The following GSS variants were observed in gnomAD, a reference collection of about 807,000 sequenced individuals.
The protein encoded by GSS is glutathione synthetase.
Under a neutral mutation model 60.4 loss-of-function variants are expected in GSS, and 34 were observed. The observed-to-expected ratio is 0.56, with a 90% CI of 0.43 to 0.75. The LOEUF is 0.75. Ranked by LOEUF, GSS falls within the 30% of genes least tolerant of loss-of-function variation. GSS has a pLI of 0.00. For missense variants in GSS, 499 were observed against 595.1 expected (o/e 0.84, Z 1.68); for synonymous variants, 224 against 239.0 (o/e 0.94, Z 0.58).
Position 34,929,576 on chromosome 20 carries a change from C to T in GSS, c.1126G>A (p.Gly376Arg), listed in dbSNP as rs146267300. The T allele has an allele frequency of 8.6e-5, 138 of 1,613,832 alleles. No homozygotes were observed. The highest frequency in any genetic ancestry group is 1.6e-4 in the Middle Eastern group (1 of 6,080). Residue 376 changes from glycine (G) to arginine (R), a missense_variant, in exon 12 of 13, where the codon GGG becomes AGG. Coordinates refer to ENST00000651619, the MANE Select transcript of GSS (RefSeq NM_000178.4). ...QREGGGNNLY[G>R]EEMVQALKQL... ...TTCAGGGCCTGTACCATTTCCTCCC[C>T]ATATAGGTTGTTACCTGCAATGAAA...
intron 6 of GSS, among the ~76,000 whole-genome samples, chr20:34,939,795 A>G (rs1241598289): frequency 6.6e-6 from 1 of 151,816 alleles, no homozygotes; most frequent in East Asian, 1.9e-4. Flanking sequence ...CAGCATCCCA[A>G]GTAGCTGGGA....
At chr20:34,946,573 G>A (rs1405158007) in intron 2 of GSS, 2 of 153,928 alleles carry the variant, frequency 1.3e-5, no homozygotes, top group African/African-American at 4.8e-5. Context: ...GCTAGTAACG[G>A]GGTGCTGGGA....
chr20:34,951,630 G>T (rs1255690366), intron 2 of GSS, 94 bp downstream of exon 2: 6 of 1,375,608 alleles, frequency 4.4e-6, no homozygotes, highest in Non-Finnish European at 6.0e-6. Flanking sequence ...AGGCAAAAGA[G>T]ATATGGTCCC....
rs184506175 is a variant in GSS, at chr20:34,935,645, G to A, written c.768-3C>T. ...CCACAGCAATTTCCTGGCCATCCCT[G>A]GAACACAGGATGGAGAAGGCTGCTG... On this transcript the variant is annotated splice_polypyrimidine_tract_variant and splice_region_variant and intron_variant, in intron 8 of 12. Coordinates refer to ENST00000651619, the MANE Select transcript of GSS (RefSeq NM_000178.4). The A allele has an allele frequency of 2.4e-3, 3,896 of 1,604,654 alleles. 3 individuals are homozygous for A. The highest frequency in any genetic ancestry group is 3.0e-3 in the Non-Finnish European group (3,513 of 1,171,410).
chr20:34,950,222 T>A (rs749682186), intron 2 of GSS: 2 of 152,100 alleles, frequency 1.3e-5, no homozygotes, highest in African/African-American at 2.4e-5. Context: ...ATACAAGTAA[T>A]TCACAAAATC....
intron 2 of GSS, 110 bp from the exon 3 acceptor site, chr20:34,946,208 C>A: frequency 1.2e-6 from 1 of 853,394 alleles, no homozygotes; most frequent in Non-Finnish European, 1.9e-6. Flanking sequence ...GAGGACACAC[C>A]AACTGTAGAT....
chr20:34,932,111 A>T lies in GSS; in HGVS notation c.857T>A (p.Leu286Gln), dbSNP rs1296000099. The T allele has an allele frequency of 3.1e-6, 5 of 1,614,024 alleles. No individual in the cohort carries two copies. The highest frequency in any genetic ancestry group is 4.2e-6 in the Non-Finnish European group (5 of 1,179,844). Residue 286 changes from leucine to glutamine, a missense_variant, in exon 10 of 13, where the codon CTG (leucine) becomes CAG (glutamine). Leu to Gln is a moderately radical substitution (Grantham distance 113). Coordinates refer to ENST00000651619, the MANE Select transcript of GSS (RefSeq NM_000178.4). ...GCACTTGGCAGCATGTGACCTCTCC[A>T]GCAGTAGACGTGCTTCCCAATTCTG... is the stretch of plus-strand genomic sequence containing the variant. Reference protein sequence around the residue: ...SLQNWEARLLLERSHAAKCPD... With the variant: ...SLQNWEARLLQERSHAAKCPD...
intron 6 of GSS, among the ~76,000 whole-genome samples, chr20:34,938,134 A>C (rs1013462395): frequency 2.6e-5 from 4 of 152,198 alleles, no homozygotes; most frequent in African/African-American, 9.6e-5. Context: ...TTAGCATTAC[A>C]GGTGTGAGCC....
Position 34,951,784 on chromosome 20 carries a change from C to T in GSS, c.69G>A (p.Val23=). The change falls in exon 2 of 13, where the codon GTG becomes GTA. Residue 23 remains valine, a synonymous_variant. Coordinates refer to ENST00000651619, the MANE Select transcript of GSS (RefSeq NM_000178.4). Reference sequence around the variant, plus strand: ...ATACTCCCTCAGCCAGGGCCCGGTCCACGGCCTGCCGTGCCAGCTCCTCTA... The same window carrying T: ...ATACTCCCTCAGCCAGGGCCCGGTCTACGGCCTGCCGTGCCAGCTCCTCTA... The part of the protein sequence containing the change: ...QQLEELARQA[V]DRALAEGVLL... 1.2e-6 allele frequency: 2 copies of T among 1,614,036 alleles called. No homozygotes were observed. Among genetic ancestry groups the T allele is most frequent in the Non-Finnish European group, 1.7e-6 (2 of 1,179,978 alleles).
chr20:34,934,503 C>T (rs551543886), intron 9 of GSS, among the ~76,000 whole-genome samples: 1 of 152,184 alleles, frequency 6.6e-6, no homozygotes, highest in East Asian at 2.0e-4. Flanking sequence ...TCTTGAACTC[C>T]TGACCTCAGG....
chr20:34,951,699 C>T (rs1310120066), intron 2 of GSS, 25 bp downstream of exon 2: 2 of 1,590,308 alleles, frequency 1.3e-6, no homozygotes, highest in Non-Finnish European at 1.7e-6. Context: ...ATGGTGAATG[C>T]TGTGGGGAGG....
Position 34,929,398 on chromosome 20 carries a change from C to T in GSS, c.1301+3G>A. On this transcript the variant is annotated splice_donor_region_variant and intron_variant, in intron 12 of 12. Coordinates refer to ENST00000651619, the MANE Select transcript of GSS (RefSeq NM_000178.4). ...TGGAAAGAGCTTCTCCTGATTGGCT[C>T]ACCTGACATAGACCCCAAAGATGCC... 1.2e-6 allele frequency: 2 copies of T among 1,613,168 alleles called. No homozygotes were observed. The highest frequency in any genetic ancestry group is 1.7e-6 in the Non-Finnish European group (2 of 1,179,106).
At chr20:34,952,957 T>C (rs1361524217) in intron 1 of GSS, 2 of 152,238 alleles carry the variant, frequency 1.3e-5, no homozygotes, top group African/African-American at 2.4e-5. Context: ...ATTCCATATA[T>C]GGACATTTAT....
Position 34,936,974 on chromosome 20 carries a change from G to A in GSS, c.658C>T (p.Gln220Ter). Residue 220 changes from glutamine to a stop codon, truncating the protein, a stop_gained, in exon 7 of 13, where the codon CAG (glutamine) becomes TAG (stop). Transcript: ENST00000651619. LOFTEE classifies it high-confidence loss of function. ...AGTAGCTCATTCTCTATGGCACGCT[G>A]GTCAAATATGTTTCTTTCCTTCTCT... ...AQEKERNIFDQRAIENELLAR... is the reference protein window; with the variant it reads ...AQEKERNIFD 1.2e-6 allele frequency: 2 copies of A among 1,613,884 alleles called. No individual in the cohort carries two copies. Among genetic ancestry groups the A allele is most frequent in the Non-Finnish European group, 1.7e-6 (2 of 1,179,884 alleles).
chr20:34,955,946 C>A (rs2081628018), upstream of GSS: 2 of 152,500 alleles, frequency 1.3e-5, no homozygotes, highest in South Asian at 2.1e-4. Flanking sequence ...GTCGGCTGCA[C>A]CCTGGCGGAT....
At position 34,935,638 on chromosome 20, in the gene GSS, C is replaced by A; in HGVS notation, c.772G>T (p.Gly258Cys). The A allele has an allele frequency of 6.2e-7, 1 of 1,609,500 alleles. No individual in the cohort carries two copies. Among genetic ancestry groups the A allele is most frequent in the South Asian group, 1.1e-5 (1 of 90,978 alleles). ...AAGTAAACCACAGCAATTTCCTGGC[C>A]ATCCCTGGAACACAGGATGGAGAAG... is the stretch of plus-strand genomic sequence containing the variant. ...LDQDRRLFVDGQEIAVVYFRD... is the reference protein window; with the variant it reads ...LDQDRRLFVDCQEIAVVYFRD... Residue 258 changes from glycine (G) to cysteine (C), a missense_variant, in exon 9 of 13, where the codon GGC (glycine) becomes TGC (cysteine). Physicochemically the swap from Gly to Cys is radical, Grantham distance 159. Transcript: ENST00000651619.
chr20:34,950,733 C>A (rs1349455989), intron 2 of GSS, among the ~76,000 whole-genome samples: 2 of 152,122 alleles, frequency 1.3e-5, no homozygotes. Context: ...TGTGCCACTA[C>A]ACTCCAGCCT....
intron 3 of GSS, among the ~76,000 whole-genome samples, chr20:34,945,234 G>T (rs1389794914): frequency 4.0e-5 from 6 of 151,660 alleles, no homozygotes; most frequent in Non-Finnish European, 5.9e-5. Context: ...TGTTGGCCAG[G>T]CTGGTCTCAA....
At chr20:34,943,350 A>C (rs2081499188) in intron 3 of GSS, among the ~76,000 whole-genome samples, 1 of 152,194 alleles carries the variant, frequency 6.6e-6, no homozygotes, top group Non-Finnish European at 1.5e-5. Context: ...TACTGCACCG[A>C]AGAAGAGCTA....
Sources: gnomAD v4.1 joint callset for allele counts (sites outside exome capture counted in the v4.1 genomes callset) on GRCh38, gnomAD v4.1.1 for gene constraint, MANE v1.5 for transcripts, NCBI Gene and HGNC (gene_info 2026-07-23, HGNC 2026-07-21) for gene names.